Variants in STRN3 observed in about 807,000 individuals in gnomAD.
The protein encoded by STRN3 is striatin-3.
In STRN3, 29 loss-of-function variants were observed where a neutral mutation model predicts 95.6. The ratio of observed to expected loss-of-function variants is 0.30; its 90% CI spans 0.23 to 0.41. The LOEUF is 0.41. Among genes scored for constraint, STRN3 ranks in the 10% least tolerant of loss-of-function variants. STRN3 has a pLI of 1.00. For missense variants in STRN3, 890 were observed against 972.1 expected, an observed-to-expected ratio of 0.92 and a Z score of 1.12; for synonymous variants, 331 against 357.6, an observed-to-expected ratio of 0.93 and a Z score of 0.84.
intron 1 of STRN3, among the ~76,000 whole-genome samples, chr14:31,000,835 C>A (rs1319935366): frequency 7.3e-4 from 96 of 131,656 alleles, no homozygotes; most frequent in Non-Finnish European, 3.3e-4. Flanking sequence ...AATAAACAGC[C>A]GATGAAGAAA....
At chr14:30,993,376 T>C (rs1281442385) in intron 1 of STRN3, among the ~76,000 whole-genome samples, 2 of 152,060 alleles carry the variant, frequency 1.3e-5, no homozygotes, top group Non-Finnish European at 2.9e-5. Context: ...TGAATACCTA[T>C]ATCACACTGA....
intron 3 of STRN3, among the ~76,000 whole-genome samples, chr14:30,951,651 T>C (rs1023991392): frequency 2.6e-5 from 4 of 152,228 alleles, no homozygotes; most frequent in South Asian, 4.1e-4. Context: ...CATAAAAATA[T>C]TGAATACCTT....
chr14:30,937,223 A>G (rs1335187044), intron 5 of STRN3, among the ~76,000 whole-genome samples: 1 of 152,118 alleles, frequency 6.6e-6, no homozygotes, highest in Non-Finnish European at 1.5e-5. Context: ...CTGAGATAGG[A>G]GGATTATTTG....
At chr14:30,943,225 T>C (rs1428958820) in intron 5 of STRN3, among the ~76,000 whole-genome samples, 1 of 152,230 alleles carries the variant, frequency 6.6e-6, no homozygotes, top group Non-Finnish European at 1.5e-5. Flanking sequence ...AACCATAACA[T>C]GCCTACATTA....
chr14:31,026,337 C>A lies in STRN3; in HGVS notation c.-152G>T. ...GCTGTGTGCCTGCCGTGGGTCAGAG[C>A]AGGGAGCTGCCGGCTGCCGCCATTA... On this transcript the variant is annotated 5_prime_UTR_variant, in exon 1 of 18. Transcript: ENST00000357479. 1 of 747,234 alleles carries A rather than the reference C, an allele frequency of 1.3e-6. No homozygotes were observed. Among genetic ancestry groups the A allele is most frequent in the Non-Finnish European group, 1.9e-6 (1 of 526,500 alleles). 46.3% of individuals were successfully genotyped at this position (747,234 alleles called of 1,614,324 possible).
intron 1 of STRN3, among the ~76,000 whole-genome samples, chr14:30,993,732 T>A (rs1327601686): frequency 6.6e-6 from 1 of 152,234 alleles, no homozygotes; most frequent in East Asian, 1.9e-4. Context: ...CAGGCTGGAG[T>A]GCAATAGTGC....
At chr14:30,945,457 T>C (rs975039655) in intron 5 of STRN3, among the ~76,000 whole-genome samples, 1 of 151,926 alleles carries the variant, frequency 6.6e-6, no homozygotes. Context: ...CTACAAAAAT[T>C]AGTCAGGCAT....
intron 1 of STRN3, among the ~76,000 whole-genome samples, chr14:30,968,548 C>T (rs1429650304): frequency 2.6e-5 from 4 of 151,872 alleles, no homozygotes; most frequent in Admixed American, 1.3e-4. Flanking sequence ...GGCATGGTGG[C>T]GGGTGCCTGT....
chr14:30,907,295 A>T lies in STRN3; in HGVS notation c.1721-251T>A, dbSNP rs868469674. On this transcript the variant is annotated intron_variant, in intron 13 of 17. Transcript: ENST00000357479. ...GAAACATATGCTTTTTTTTTTTTTT[A>T]AAACAGCTTTCTTGAGATACAGATA... Among the ~76,000 whole-genome samples the T allele has an allele frequency of 4.9e-3, 722 of 148,236 alleles. 8 individuals carry two copies. Among genetic ancestry groups the T allele is most frequent in the East Asian group, 0.037 (187 of 5,052 alleles).
At chr14:30,985,595 C>T (rs1881648521) in intron 1 of STRN3, among the ~76,000 whole-genome samples, 2 of 47,522 alleles carry the variant, frequency 4.2e-5, no homozygotes, top group African/African-American at 1.7e-4. Flanking sequence ...GAGAGCGAAA[C>T]TCCATCTCAA....
At chr14:30,918,898 G>A in intron 9 of STRN3, 68 bp downstream of exon 9, 1 of 1,383,002 alleles carries the variant, frequency 7.2e-7, no homozygotes, top group East Asian at 2.6e-5. Flanking sequence ...TAGCCTAGTT[G>A]CATTAAGATG....
chr14:31,018,966 T>C (rs950914075), intron 1 of STRN3, among the ~76,000 whole-genome samples: 9 of 151,938 alleles, frequency 5.9e-5, no homozygotes, highest in African/African-American at 2.2e-4. Context: ...CTACTAAAAT[T>C]CAAAAAATTA....
At chr14:30,980,295 T>C (rs1881327593) in intron 1 of STRN3, among the ~76,000 whole-genome samples, 1 of 152,156 alleles carries the variant, frequency 6.6e-6, no homozygotes, top group Non-Finnish European at 1.5e-5. Context: ...GCAGATAATT[T>C]TTTAACTGCA....
chr14:30,901,041 T>C (rs1274969123), intron 16 of STRN3, among the ~76,000 whole-genome samples: 1 of 152,196 alleles, frequency 6.6e-6, no homozygotes, highest in Non-Finnish European at 1.5e-5. Context: ...TAAACAGGAA[T>C]CTTTTTAGAA....
At chr14:31,022,382 CA>C (rs34715212) in intron 1 of STRN3, among the ~76,000 whole-genome samples, 83,329 of 130,202 alleles carry the variant, frequency 0.64, 26,214 homozygotes, top group Non-Finnish European at 0.72. Context: ...GACTCCATCT[CA>C]AAAAAAAAAA....
chr14:30,895,765 AGAGAACT>A lies in STRN3; in HGVS notation c.2138-24_2138-18del, dbSNP rs1896127714. The A allele has an allele frequency of 1.3e-6, 2 of 1,596,574 alleles. No individual in the cohort carries two copies. The highest frequency in any genetic ancestry group is 1.7e-6 in the Non-Finnish European group (2 of 1,172,810). Reference sequence around the variant, plus strand: ...TCATTTTACCTAAACAAAACATAACAGAGAACTGATTAAGTTTTCACAAATACTAACT... The same window carrying A: ...TCATTTTACCTAAACAAAACATAACAGATTAAGTTTTCACAAATACTAACT... On this transcript the variant is annotated intron_variant, in intron 16 of 17. Coordinates refer to ENST00000357479, the MANE Select transcript of STRN3 (RefSeq NM_001083893.2).
At chr14:31,001,855 C>T (rs560235970) in intron 1 of STRN3, among the ~76,000 whole-genome samples, 2 of 151,806 alleles carry the variant, frequency 1.3e-5, no homozygotes, top group South Asian at 4.2e-4. Context: ...TATGGCAAAA[C>T]CCCGTCTCTG....
chr14:30,960,000 G>C (rs776966263), intron 1 of STRN3, among the ~76,000 whole-genome samples: 1 of 151,942 alleles, frequency 6.6e-6, no homozygotes, highest in Non-Finnish European at 1.5e-5. Context: ...AACCTGACAA[G>C]CTGATACTAA....
chr14:30,911,174 A>C lies in STRN3; in HGVS notation c.1599-12T>G. The C allele has an allele frequency of 6.2e-7, 1 of 1,603,518 alleles. No individual in the cohort carries two copies. The highest frequency in any genetic ancestry group is 1.1e-5 in the South Asian group (1 of 88,384). Reference sequence around the variant, plus strand: ...ACAGAACAGGGCCGCTATTGTAGGAAGAGAGGAAAAACAAATTACTGATAA... The same window carrying C: ...ACAGAACAGGGCCGCTATTGTAGGACGAGAGGAAAAACAAATTACTGATAA... On this transcript the variant is annotated splice_polypyrimidine_tract_variant and intron_variant, in intron 12 of 17. Coordinates refer to ENST00000357479, the MANE Select transcript of STRN3 (RefSeq NM_001083893.2).
Sources: gnomAD v4.1 joint callset for allele counts (sites outside exome capture counted in the v4.1 genomes callset) on GRCh38, gnomAD v4.1.1 for gene constraint, MANE v1.5 for transcripts, NCBI Gene and HGNC (gene_info 2026-07-23, HGNC 2026-07-21) for gene names.